Variants in MGA observed in about 807,000 individuals in gnomAD.
The protein encoded by MGA is MAX dimerization protein MGA.
MGA carries 40 observed loss-of-function variants against 261.1 expected under a neutral mutation model. The observed-to-expected ratio is 0.15, with a 90% CI of 0.12 to 0.20. The LOEUF (loss-of-function observed/expected upper bound fraction) is 0.20, where lower values mean the gene tolerates loss of function less well. MGA is among the 10% of genes least tolerant of loss of function. The pLI is 1.00. For missense variants in MGA, 3,397 were observed against 3,630.5 expected, an observed-to-expected ratio of 0.94 and a Z score of 1.65; for synonymous variants, 1,302 against 1,290.6, an observed-to-expected ratio of 1.01 and a Z score of -0.19.
chr15:41,676,230 T>C (rs1007801592), intron 2 of MGA, among the ~76,000 whole-genome samples: 1 of 152,196 alleles, frequency 6.6e-6, no homozygotes, highest in South Asian at 2.1e-4. Flanking sequence ...TTGTGCCAGC[T>C]GGAGTCCAGT....
At chr15:41,719,071 C>G (rs2060805841) in intron 9 of MGA, among the ~76,000 whole-genome samples, 1 of 151,906 alleles carries the variant, frequency 6.6e-6, no homozygotes. Context: ...TATCAGTATG[C>G]AACATGTTTG....
upstream of MGA, among the ~76,000 whole-genome samples, chr15:41,658,312 T>G (rs1424146227): frequency 6.6e-6 from 1 of 152,224 alleles, no homozygotes; most frequent in Non-Finnish European, 1.5e-5. Flanking sequence ...TTGGCATTCT[T>G]AAACCTTCGG....
chr15:41,713,450 G>A lies in MGA; in HGVS notation c.3384G>A (p.Glu1128=). The A allele has an allele frequency of 6.4e-7, 1 of 1,559,740 alleles. No individual in the cohort carries two copies. Among genetic ancestry groups the A allele is most frequent in the African/African-American group, 1.4e-5 (1 of 73,508 alleles). The change falls in exon 9 of 24, where the codon GAG becomes GAA. Residue 1128 remains glutamate (E), a synonymous_variant. Coordinates refer to ENST00000219905, the MANE Select transcript of MGA (RefSeq NM_001164273.2). ...AGGAGGAAGAAGGAATCAGGGAGGA[G>A]GAGGAACAATTGAAAGAGAAAAAGA...
intron 11 of MGA, among the ~76,000 whole-genome samples, chr15:41,733,083 C>A (rs1192836818): frequency 6.6e-6 from 1 of 152,120 alleles, no homozygotes. Context: ...CTCAGTCTCC[C>A]GAGTAGCTGG....
At chr15:41,623,965 C>A (rs1023559066) in intron 1 of MGA, among the ~76,000 whole-genome samples, 5 of 151,150 alleles carry the variant, frequency 3.3e-5, no homozygotes, top group Non-Finnish European at 5.9e-5. Flanking sequence ...GGGGTTTCAC[C>A]GTGTTGGCCA....
intron 2 of MGA, among the ~76,000 whole-genome samples, chr15:41,693,883 T>C (rs937263580): frequency 2.0e-5 from 3 of 152,176 alleles, no homozygotes; most frequent in African/African-American, 7.2e-5. Flanking sequence ...GTAATGGATG[T>C]GAAAGTGTCT....
intron 2 of MGA, among the ~76,000 whole-genome samples, chr15:41,685,285 AT>A (rs1478711032): frequency 6.6e-6 from 1 of 152,134 alleles, no homozygotes. Context: ...AGGTAGGTTT[AT>A]TTTATACTAA....
chr15:41,639,707 G>C (rs559988402), intron 1 of MGA, among the ~76,000 whole-genome samples: 28 of 152,008 alleles, frequency 1.8e-4, no homozygotes, highest in Admixed American at 5.9e-4. Flanking sequence ...ACCACGCCCA[G>C]CTAATTTTTT....
chr15:41,643,794 C>G (rs1389938439), intron 1 of MGA, among the ~76,000 whole-genome samples: 1 of 143,264 alleles, frequency 7.0e-6, no homozygotes, highest in Non-Finnish European at 1.5e-5. Flanking sequence ...GAGATGAAGT[C>G]TCACTAAGTC....
chr15:41,629,529 T>C (rs1428438655), intron 1 of MGA, among the ~76,000 whole-genome samples: 1 of 151,832 alleles, frequency 6.6e-6, no homozygotes, highest in African/African-American at 2.4e-5. Flanking sequence ...CATATAGAAC[T>C]GCCAGCCTCT....
chr15:41,663,299 T>C (rs1290157319), intron 1 of MGA, among the ~76,000 whole-genome samples: 3 of 152,126 alleles, frequency 2.0e-5, no homozygotes, highest in African/African-American at 7.2e-5. Context: ...GTAGCTATTT[T>C]ATCTAGATAA....
At chr15:41,756,202 T>C (rs543523168) in intron 18 of MGA, among the ~76,000 whole-genome samples, 1 of 151,986 alleles carries the variant, frequency 6.6e-6, no homozygotes, top group Non-Finnish European at 1.5e-5. Flanking sequence ...GTCAAGGGTA[T>C]AAAAAAATTG....
In MGA at chr15:41,760,306, C is replaced by T. The variant is rs775689445; in HGVS notation, c.7192-17C>T. ...CTACATGTTCAAGATGTTTAGGAGG[C>T]AATCTTGTTTGGACAGGCTCCACCA... On this transcript the variant is annotated splice_polypyrimidine_tract_variant and intron_variant, in intron 19 of 23. Coordinates refer to ENST00000219905, the MANE Select transcript of MGA (RefSeq NM_001164273.2). The T allele has an allele frequency of 3.7e-6, 6 of 1,612,270 alleles. No individual in the cohort carries two copies. Among genetic ancestry groups the T allele is most frequent in the Non-Finnish European group, 5.1e-6 (6 of 1,178,460 alleles).
At chr15:41,632,150 T>C (rs954200471) in intron 1 of MGA, among the ~76,000 whole-genome samples, 1 of 152,208 alleles carries the variant, frequency 6.6e-6, no homozygotes, top group Admixed American at 6.5e-5. Flanking sequence ...TGTGTACTAC[T>C]TTCAGGCCTC....
At chr15:41,725,293 T>G (rs2061164500) in intron 9 of MGA, among the ~76,000 whole-genome samples, 1 of 152,178 alleles carries the variant, frequency 6.6e-6, no homozygotes, top group Admixed American at 6.5e-5. Flanking sequence ...GGTAACATAG[T>G]GAGACCTGGT....
intron 1 of MGA, among the ~76,000 whole-genome samples, chr15:41,651,172 C>T (rs917974908): frequency 2.0e-5 from 3 of 152,118 alleles, no homozygotes; most frequent in Admixed American, 2.0e-4. Context: ...TTCATGAGGG[C>T]CCTGACCTCA....
At chr15:41,676,650 C>G (rs2058396383) in intron 2 of MGA, among the ~76,000 whole-genome samples, 1 of 151,934 alleles carries the variant, frequency 6.6e-6, no homozygotes, top group Admixed American at 6.6e-5. Context: ...GTTGATGGAC[C>G]TTGAAATTGT....
chr15:41,695,895 C>T lies in MGA; in HGVS notation c.1065-180C>T, dbSNP rs542489164. 4.6e-5 allele frequency among the ~76,000 whole-genome samples: 7 copies of T among 151,908 alleles called. No homozygotes were observed. In the East Asian group the frequency reaches 7.7e-4, roughly 17 times the overall value. ...TTCTTAGTTGTGATGGATGTGTGTT[C>T]GCTTTACAGGGTTGTTAATCACCGT... On this transcript the variant is annotated intron_variant, in intron 2 of 23. Coordinates refer to ENST00000219905, the MANE Select transcript of MGA (RefSeq NM_001164273.2).
chr15:41,719,945 A>AC (rs1338333879), intron 9 of MGA, among the ~76,000 whole-genome samples: 1 of 152,148 alleles, frequency 6.6e-6, no homozygotes, highest in Non-Finnish European at 1.5e-5. Flanking sequence ...TAAAAATTCA[A>AC]CATTTTTTAT....
Sources: gnomAD v4.1 joint callset for allele counts (sites outside exome capture counted in the v4.1 genomes callset) on GRCh38, gnomAD v4.1.1 for gene constraint, MANE v1.5 for transcripts, NCBI Gene and HGNC (gene_info 2026-07-23, HGNC 2026-07-21) for gene names.